The following RPTOR variants were observed in gnomAD, a reference collection of about 807,000 sequenced individuals.
RPTOR encodes regulatory associated protein of MTOR complex 1.
RPTOR carries 21 observed loss-of-function variants against 169.9 expected under a neutral mutation model. The observed-to-expected ratio is 0.12, with a 90% CI of 0.09 to 0.18. The LOEUF is 0.18. Among genes scored for constraint, RPTOR ranks in the 10% least tolerant of loss-of-function variants. The pLI, the probability that RPTOR is intolerant of heterozygous loss-of-function variation, is 1.00. For synonymous variants in RPTOR, 732 were observed against 753.2 expected, an observed-to-expected ratio of 0.97 and a Z score of 0.46; for missense variants, 1,133 against 1,855.9, an observed-to-expected ratio of 0.61 and a Z score of 7.16.
intron 3 of RPTOR, among the ~76,000 whole-genome samples, chr17:80,658,490 C>T (rs939723587): frequency 1.3e-5 from 2 of 152,130 alleles, no homozygotes; most frequent in African/African-American, 4.8e-5. Flanking sequence ...AAGTTCCCTC[C>T]CCGCACCCCC....
chr17:80,696,850 C>T (rs147762966), intron 3 of RPTOR, among the ~76,000 whole-genome samples: 1 of 152,264 alleles, frequency 6.6e-6, no homozygotes, highest in Non-Finnish European at 1.5e-5. Flanking sequence ...CACGGTGGCA[C>T]CCAGGCAAGG....
chr17:80,735,747 T>C (rs2066428684), intron 5 of RPTOR, among the ~76,000 whole-genome samples: 2 of 152,114 alleles, frequency 1.3e-5, no homozygotes, highest in African/African-American at 4.8e-5. Flanking sequence ...CAGTAAGTCT[T>C]GTTCTGCACA....
intron 1 of RPTOR, among the ~76,000 whole-genome samples, chr17:80,585,207 T>G (rs2065049606): frequency 2.0e-5 from 3 of 146,776 alleles, no homozygotes; most frequent in Non-Finnish European, 4.5e-5. Context: ...TTATTATTTT[T>G]GTTTTTTTTT....
At chr17:80,795,356 G>A (rs929724022) in intron 7 of RPTOR, among the ~76,000 whole-genome samples, 2 of 152,130 alleles carry the variant, frequency 1.3e-5, no homozygotes, top group Non-Finnish European at 1.5e-5. Flanking sequence ...TTCATCAGAC[G>A]CCCTTTCCCT....
intron 31 of RPTOR, among the ~76,000 whole-genome samples, chr17:80,962,175 G>A (rs1261980724): frequency 3.3e-5 from 5 of 152,180 alleles, no homozygotes; most frequent in African/African-American, 1.2e-4. Context: ...GCCTCCTCCC[G>A]CATCTGTGCT....
chr17:80,943,340 A>G (rs991809162), intron 25 of RPTOR, among the ~76,000 whole-genome samples: 9 of 151,962 alleles, frequency 5.9e-5, no homozygotes, highest in African/African-American at 2.2e-4. Flanking sequence ...TAATTCAGCT[A>G]AAAACAGGGT....
At chr17:80,943,839 G>GGTGAGGACA (rs1160164290) in intron 25 of RPTOR, among the ~76,000 whole-genome samples, 618 of 100,984 alleles carry the variant, frequency 6.1e-3, no homozygotes, top group East Asian at 0.011. Flanking sequence ...TAAGAGCCAG[G>GGTGAGGACA]CGGTGTCTCT....
At chr17:80,574,233 C>T (rs1224129312) in intron 1 of RPTOR, among the ~76,000 whole-genome samples, 17 of 147,302 alleles carry the variant, frequency 1.2e-4, no homozygotes, top group Admixed American at 8.8e-4. Flanking sequence ...GGCGCAATCT[C>T]GGCTCACTGC....
At position 80,871,647 on chromosome 17, in the gene RPTOR, T is replaced by G. The variant is rs75352369; in HGVS notation, c.1510-8768T>G. On this transcript the variant is annotated intron_variant, in intron 13 of 33. Coordinates refer to ENST00000306801, the MANE Select transcript of RPTOR (RefSeq NM_020761.3). Reference sequence around the variant, plus strand: ...TGCCTAAACTGCTTTATGTCTGTGGTTAACTTATTCCTTCCTGCAGTTTCA... The same window carrying G: ...TGCCTAAACTGCTTTATGTCTGTGGGTAACTTATTCCTTCCTGCAGTTTCA... 7.1e-3 allele frequency among the ~76,000 whole-genome samples: 1,077 copies of G among 152,362 alleles called. 9 individuals carry two copies. Among genetic ancestry groups the G allele is most frequent in the Middle Eastern group, 0.034 (10 of 294 alleles).
chr17:80,587,331 G>T (rs2065069757), intron 1 of RPTOR, among the ~76,000 whole-genome samples: 1 of 152,238 alleles, frequency 6.6e-6, no homozygotes, highest in Admixed American at 6.5e-5. Flanking sequence ...TAAGACACCC[G>T]AGATCGATTC....
intron 3 of RPTOR, among the ~76,000 whole-genome samples, chr17:80,676,503 C>T (rs1217573357): frequency 6.6e-6 from 1 of 152,152 alleles, no homozygotes; most frequent in Non-Finnish European, 1.5e-5. Flanking sequence ...GGAATTGACA[C>T]TTGAGGGCAG....
At chr17:80,636,790 G>A (rs533266677) in intron 2 of RPTOR, among the ~76,000 whole-genome samples, 6 of 152,278 alleles carry the variant, frequency 3.9e-5, no homozygotes, top group African/African-American at 1.4e-4. Context: ...TGCTGCATGG[G>A]GAGCAGGGGC....
intron 32 of RPTOR, 88 bp from the exon 33 acceptor site, chr17:80,962,840 G>A (rs943315357): frequency 3.2e-5 from 50 of 1,578,856 alleles, no homozygotes; most frequent in Admixed American, 1.7e-4. Context: ...TGGTCTAGCC[G>A]GCCTGTCCCC....
intron 3 of RPTOR, among the ~76,000 whole-genome samples, chr17:80,650,389 G>A (rs1476816560): frequency 1.3e-5 from 2 of 152,220 alleles, no homozygotes; most frequent in Admixed American, 6.5e-5. Flanking sequence ...CTTCTGCCTC[G>A]TAGGTCCGCA....
rs2084259048 is a variant in RPTOR, at chr17:80,545,212, G to T, written c.-418G>T. 8.5e-6 allele frequency: 2 copies of T among 236,160 alleles called. No individual in the cohort carries two copies. The highest frequency in any genetic ancestry group is 4.4e-5 in the African/African-American group (2 of 45,462). The allele number at this position is 236,160 out of a possible 1,614,324, so 14.6% of individuals were successfully genotyped here. A position where few individuals can be genotyped will look rare whatever the true frequency, so the allele number is the denominator to read the frequency against. The stretch of plus-strand genomic sequence containing the variant: ...CCTCAGCCCAGTCGGCCCAGTGGGC[G>T]AACCGGCACCAAGAGCGGCCTGCCT... On this transcript the variant is annotated 5_prime_UTR_variant, in exon 1 of 34. Coordinates refer to ENST00000306801, the MANE Select transcript of RPTOR (RefSeq NM_020761.3).
intron 3 of RPTOR, among the ~76,000 whole-genome samples, chr17:80,666,584 A>C (rs1258097328): frequency 6.6e-6 from 1 of 152,260 alleles, no homozygotes; most frequent in African/African-American, 2.4e-5. Context: ...TGCTGTGGAT[A>C]TAACAATAAG....
intron 1 of RPTOR, among the ~76,000 whole-genome samples, chr17:80,551,436 A>G (rs1376749304): frequency 2.0e-5 from 3 of 152,112 alleles, no homozygotes; most frequent in Non-Finnish European, 4.4e-5. Context: ...TCACAAGACA[A>G]TAGTGGGGAG....
intron 6 of RPTOR, among the ~76,000 whole-genome samples, chr17:80,781,077 G>C (rs1284848162): frequency 6.6e-6 from 1 of 152,134 alleles, no homozygotes; most frequent in African/African-American, 2.4e-5. Context: ...AACCTCAACT[G>C]TCTCCCCTCC....
At chr17:80,899,410 A>T (rs576292024) in intron 20 of RPTOR, among the ~76,000 whole-genome samples, 110 of 152,228 alleles carry the variant, frequency 7.2e-4, no homozygotes, top group Non-Finnish European at 1.2e-3. Context: ...GTATTTAAAA[A>T]TTTTTTTTTA....
Sources: gnomAD v4.1 joint callset for allele counts (sites outside exome capture counted in the v4.1 genomes callset) on GRCh38, gnomAD v4.1.1 for gene constraint, MANE v1.5 for transcripts, NCBI Gene and HGNC (gene_info 2026-07-23, HGNC 2026-07-21) for gene names.